PTPRM: variants seen among roughly 807,000 people sequenced by gnomAD.
PTPRM encodes receptor-type tyrosine-protein phosphatase mu.
PTPRM carries 47 observed loss-of-function variants against 186.7 expected under a neutral mutation model. The observed-to-expected ratio is 0.25, with a 90% CI of 0.20 to 0.32. The LOEUF is 0.32. Among genes scored for constraint, PTPRM ranks in the 10% least tolerant of loss-of-function variants. PTPRM has a pLI of 1.00. For missense variants in PTPRM, 1,494 were observed against 1,865.0 expected, an observed-to-expected ratio of 0.80 and a Z score of 3.66; for synonymous variants, 668 against 674.9, an observed-to-expected ratio of 0.99 and a Z score of 0.16.
chr18:7,705,878 C>T (rs2040076230), intron 1 of PTPRM, among the ~76,000 whole-genome samples: 1 of 150,902 alleles, frequency 6.6e-6, no homozygotes, highest in Non-Finnish European at 1.5e-5. Flanking sequence ...TTTTCAAGTC[C>T]ACTAGATAGT....
At chr18:8,116,680 A>G (rs1461868356) in intron 13 of PTPRM, among the ~76,000 whole-genome samples, 3 of 152,186 alleles carry the variant, frequency 2.0e-5, no homozygotes, top group Non-Finnish European at 4.4e-5. Flanking sequence ...TAAATAACAC[A>G]CTAGTAAATG....
At chr18:7,931,441 C>A (rs1009499956) in intron 5 of PTPRM, among the ~76,000 whole-genome samples, 1 of 152,166 alleles carries the variant, frequency 6.6e-6, no homozygotes, top group Non-Finnish European at 1.5e-5. Flanking sequence ...TGCAGTGGCT[C>A]ACGCCTGTAA....
At chr18:8,267,001 A>G (rs560028469) in intron 19 of PTPRM, among the ~76,000 whole-genome samples, 16 of 152,284 alleles carry the variant, frequency 1.1e-4, no homozygotes, top group Non-Finnish European at 2.1e-4. Context: ...ATCGCCCTTT[A>G]GGGAGACATG....
intron 1 of PTPRM, among the ~76,000 whole-genome samples, chr18:7,578,427 C>T (rs1408617145): frequency 6.6e-6 from 1 of 151,566 alleles, no homozygotes; most frequent in African/African-American, 2.4e-5. Flanking sequence ...GCTCCACCTC[C>T]CAGGTTCATG....
At chr18:7,960,323 C>T (rs1346272289) in intron 7 of PTPRM, among the ~76,000 whole-genome samples, 2 of 151,706 alleles carry the variant, frequency 1.3e-5, no homozygotes, top group African/African-American at 4.8e-5. Flanking sequence ...AAAAATTATC[C>T]ATAAGATGCA....
At chr18:7,856,204 T>C (rs2047086474) in intron 2 of PTPRM, among the ~76,000 whole-genome samples, 1 of 152,174 alleles carries the variant, frequency 6.6e-6, no homozygotes, top group Non-Finnish European at 1.5e-5. Flanking sequence ...GTTTTGTTCT[T>C]ATCTTTGCTT....
chr18:8,278,770 C>T (rs1200139204), intron 19 of PTPRM, among the ~76,000 whole-genome samples: 2 of 152,152 alleles, frequency 1.3e-5, no homozygotes, highest in South Asian at 2.1e-4. Context: ...GGATGCTCTG[C>T]TACAAGTCTG....
intron 1 of PTPRM, among the ~76,000 whole-genome samples, chr18:7,648,490 C>T (rs895629750): frequency 6.6e-6 from 1 of 152,160 alleles, no homozygotes; most frequent in African/African-American, 2.4e-5. Flanking sequence ...TCTCTTGTGC[C>T]AGTTAACCCA....
At chr18:7,767,216 A>G (rs1256822128) in intron 1 of PTPRM, among the ~76,000 whole-genome samples, 1 of 152,232 alleles carries the variant, frequency 6.6e-6, no homozygotes, top group Non-Finnish European at 1.5e-5. Flanking sequence ...AACCTTAAGA[A>G]TACAAGTAGC....
intron 3 of PTPRM, among the ~76,000 whole-genome samples, chr18:7,897,847 T>C (rs1455528282): frequency 6.6e-6 from 1 of 151,946 alleles, no homozygotes; most frequent in Non-Finnish European, 1.5e-5. Context: ...TGACCTATGA[T>C]TATATCATAC....
intron 1 of PTPRM, among the ~76,000 whole-genome samples, chr18:7,598,871 G>T (rs111761619): frequency 3.6e-4 from 54 of 150,304 alleles, no homozygotes; most frequent in Admixed American, 6.6e-4. Context: ...TTCATACCCA[G>T]TTACTTAATA....
intron 1 of PTPRM, among the ~76,000 whole-genome samples, chr18:7,646,171 A>G (rs2038556910): frequency 6.6e-6 from 1 of 152,188 alleles, no homozygotes; most frequent in South Asian, 2.1e-4. Context: ...AATACTCACA[A>G]AAACCCATTC....
At chr18:7,888,076 G>A in intron 2 of PTPRM, 30 bp from the exon 3 acceptor site, 3 of 1,613,978 alleles carry the variant, frequency 1.9e-6, no homozygotes, top group Non-Finnish European at 2.5e-6. Context: ...GTGTTTCAGG[G>A]TATGACTCTC....
chr18:7,906,334 T>A (rs1234879100), intron 3 of PTPRM, among the ~76,000 whole-genome samples, 171 bp from the exon 4 acceptor site: 1 of 152,144 alleles, frequency 6.6e-6, no homozygotes, highest in African/African-American at 2.4e-5. Flanking sequence ...TGGGGTGGGG[T>A]CTTGCCTATC....
intron 1 of PTPRM, among the ~76,000 whole-genome samples, chr18:7,680,648 T>C (rs2039459744): frequency 6.6e-6 from 1 of 152,168 alleles, no homozygotes; most frequent in Non-Finnish European, 1.5e-5. Context: ...GTTTCTTTGC[T>C]GCTTTACCAG....
chr18:8,129,108 A>T (rs1401303131), intron 13 of PTPRM, among the ~76,000 whole-genome samples: 2 of 152,210 alleles, frequency 1.3e-5, no homozygotes, highest in Non-Finnish European at 2.9e-5. Context: ...TTGGTAAAAG[A>T]TACGAAATAC....
At chr18:7,616,888 C>T (rs540076317) in intron 1 of PTPRM, among the ~76,000 whole-genome samples, 7 of 152,104 alleles carry the variant, frequency 4.6e-5, no homozygotes, top group Non-Finnish European at 8.8e-5. Context: ...TCCTGGCCAG[C>T]GCCCAGGATG....
intron 1 of PTPRM, among the ~76,000 whole-genome samples, chr18:7,744,798 G>GT (rs1320501048): frequency 6.6e-6 from 1 of 152,098 alleles, no homozygotes; most frequent in Non-Finnish European, 1.5e-5. Context: ...AGCTGGGGCT[G>GT]TATTGTTTGC....
intron 1 of PTPRM, among the ~76,000 whole-genome samples, chr18:7,601,749 A>C (rs893482262): frequency 2.6e-5 from 4 of 152,228 alleles, no homozygotes; most frequent in Non-Finnish European, 5.9e-5. Context: ...TACAAGTTTC[A>C]GGAGTTAAGA....
Sources: gnomAD v4.1 joint callset for allele counts (sites outside exome capture counted in the v4.1 genomes callset) on GRCh38, gnomAD v4.1.1 for gene constraint, MANE v1.5 for transcripts, NCBI Gene and HGNC (gene_info 2026-07-23, HGNC 2026-07-21) for gene names.